The following RPP14 variants were observed in gnomAD, a reference collection of about 807,000 sequenced individuals.
RPP14 encodes ribonuclease P protein subunit p14.
RPP14 carries 19 observed loss-of-function variants against 17.8 expected under a neutral mutation model. The observed-to-expected ratio is 1.07, with a 90% CI of 0.74 to 1.57. RPP14 has a LOEUF of 1.57. Among genes scored for constraint, RPP14 ranks in the 40% most tolerant of loss-of-function variants. The pLI is 0.00. For missense variants in RPP14, 125 were observed against 140.8 expected (o/e 0.89, Z 0.57); for synonymous variants, 60 against 56.4 (o/e 1.06, Z -0.29).
Position 58,319,956 on chromosome 3 carries a change from G to T in RPP14, c.*2460G>T, listed in dbSNP as rs2097492776. ...ATAGCATTTTTCATCACCCCCAAAA[G>T]AACCTCCCATTAGCAGTCAATCCAT... is the stretch of plus-strand genomic sequence containing the variant. On this transcript the variant is annotated 3_prime_UTR_variant, in exon 6 of 6. Coordinates refer to ENST00000295959, the MANE Select transcript of RPP14 (RefSeq NM_007042.6). The T allele has an allele frequency of 1.3e-5, 2 of 152,118 alleles. No homozygotes were observed. Among genetic ancestry groups the T allele is most frequent in the South Asian group, 4.1e-4 (2 of 4,828 alleles). The allele number at this position is 152,118 out of a possible 1,614,324, so 9.4% of individuals were successfully genotyped here. A position where few individuals can be genotyped will look rare whatever the true frequency, so the allele number is the denominator to read the frequency against.
chr3:58,315,830 C>T (rs1171163935), intron 3 of RPP14: 1 of 152,296 alleles, frequency 6.6e-6, no homozygotes, highest in African/African-American at 2.4e-5. Flanking sequence ...GCATGTGCCA[C>T]CACACCCGGC....
chr3:58,309,658 G>A (rs569101970), intron 1 of RPP14, among the ~76,000 whole-genome samples: 25 of 152,336 alleles, frequency 1.6e-4, no homozygotes, highest in South Asian at 1.0e-3. Flanking sequence ...CTGGGAGGCC[G>A]AGGCAGGCGT....
At chr3:58,314,198 A>G (rs918509686) in intron 3 of RPP14, among the ~76,000 whole-genome samples, 14 of 152,150 alleles carry the variant, frequency 9.2e-5, no homozygotes, top group African/African-American at 3.4e-4. Context: ...TAAAGCTATA[A>G]AAACTAGCCG....
intron 5 of RPP14, 98 bp from the exon 6 acceptor site, chr3:58,317,341 TC>T: frequency 1.3e-6 from 1 of 772,152 alleles, no homozygotes. Flanking sequence ...TGCTCCTGCA[TC>T]AGCTTTGTTT....
chr3:58,314,675 ATTTTTTTTT>A (rs751757663), intron 3 of RPP14, among the ~76,000 whole-genome samples: 6 of 90,582 alleles, frequency 6.6e-5, no homozygotes, highest in South Asian at 4.5e-4. Flanking sequence ...GTTTGGCAGT[ATTTTTTTTT>A]TTTTTTTTTT....
chr3:58,310,037 A>C, intron 1 of RPP14: 1 of 346,044 alleles, frequency 2.9e-6, no homozygotes, highest in Non-Finnish European at 5.3e-6. Context: ...CTGTCTCTAC[A>C]AAAAATACAA....
intron 1 of RPP14, 43 bp from the exon 2 acceptor site, chr3:58,310,266 A>G: frequency 6.9e-7 from 1 of 1,441,448 alleles, no homozygotes; most frequent in Non-Finnish European, 9.7e-7. Flanking sequence ...TCTGAAAAAT[A>G]GCATGTGCAT....
rs530170082 is a variant in RPP14 at position 58,311,351 on chromosome 3, C to T, written c.162+760C>T. ...TGTATTTTTACTAGAGACAGGGTTT[C>T]GTCATGTTGGCCAGGCTGGTCTTGA... is the stretch of plus-strand genomic sequence containing the variant. On this transcript the variant is annotated intron_variant, in intron 3 of 5. Transcript: ENST00000295959. Among the ~76,000 whole-genome samples the T allele has an allele frequency of 2.0e-5, 3 of 152,280 alleles. No individual in the cohort carries two copies. In the East Asian group the frequency reaches 5.8e-4, roughly 29 times the overall value.
chr3:58,317,972 T>C lies in RPP14; in HGVS notation c.*476T>C. 1 of 703,014 alleles carries C rather than the reference T, an allele frequency of 1.4e-6. No homozygotes were observed. Among genetic ancestry groups the C allele is most frequent in the South Asian group, 1.5e-5 (1 of 67,592 alleles). The allele number at this position is 703,014 out of a possible 1,614,324, so 43.5% of individuals were successfully genotyped here. A position where few individuals can be genotyped will look rare whatever the true frequency, so the allele number is the denominator to read the frequency against. ...ATTAGCTTTCCAGCCCCTTTATATA[T>C]TGGAGAAGTTGTTTTAGCTTCTGCA... On this transcript the variant is annotated 3_prime_UTR_variant, in exon 6 of 6. Coordinates refer to ENST00000295959, the MANE Select transcript of RPP14 (RefSeq NM_007042.6).
chr3:58,310,591 G>A lies in RPP14; in HGVS notation c.162G>A (p.Glu54=). 1 of 1,609,036 alleles carries A rather than the reference G, an allele frequency of 6.2e-7. No individual in the cohort carries two copies. Among genetic ancestry groups the A allele is most frequent in the Non-Finnish European group, 8.5e-7 (1 of 1,177,870 alleles). ...CGGCTGTGAAGGACCTGTTTGGGGA[G>A]GTATGGAATCACTTGGTAGATTGAA... ...LISAVKDLFG[E]VDAALPLDIL... is the part of the protein sequence containing the mutation. The change falls in exon 3 of 6, where the codon GAG becomes GAA. Residue 54 remains glutamate, a splice_region_variant and synonymous_variant. Transcript: ENST00000295959.
intron 3 of RPP14, among the ~76,000 whole-genome samples, chr3:58,310,822 C>T (rs949263959): frequency 1.3e-5 from 2 of 151,534 alleles, no homozygotes; most frequent in African/African-American, 4.9e-5. Flanking sequence ...CCCAGCTACT[C>T]GGGAGGCTGA....
intron 3 of RPP14, among the ~76,000 whole-genome samples, chr3:58,311,910 A>G (rs139641305): frequency 2.0e-4 from 31 of 152,186 alleles, no homozygotes; most frequent in African/African-American, 7.2e-4. Context: ...TCTTGCCGTG[A>G]TGCCCAGGGT....
At chr3:58,316,714 T>G (rs1020655899) in intron 4 of RPP14, 123 bp downstream of exon 4, 2 of 959,636 alleles carry the variant, frequency 2.1e-6, no homozygotes, top group Non-Finnish European at 3.2e-6. Flanking sequence ...TTTGGGAATT[T>G]AAACTGGGAT....
chr3:58,308,662 C>T (rs1312625368), intron 1 of RPP14, among the ~76,000 whole-genome samples: 1 of 152,178 alleles, frequency 6.6e-6, no homozygotes, highest in African/African-American at 2.4e-5. Context: ...GTGGTTGGAA[C>T]TGGGTCTAAC....
chr3:58,313,784 C>T (rs1559794652), intron 3 of RPP14, among the ~76,000 whole-genome samples: 1 of 152,178 alleles, frequency 6.6e-6, no homozygotes, highest in Non-Finnish European at 1.5e-5. Context: ...GTGATCACAC[C>T]TCCATGGCTG....
intron 1 of RPP14, 94 bp from the exon 2 acceptor site, chr3:58,310,215 C>T: frequency 1.1e-6 from 1 of 934,956 alleles, no homozygotes; most frequent in East Asian, 2.5e-5. Flanking sequence ...TTAAAACAAA[C>T]AAACAAAAAA....
At chr3:58,311,210 A>G (rs1275647099) in intron 3 of RPP14, among the ~76,000 whole-genome samples, 1 of 151,966 alleles carries the variant, frequency 6.6e-6, no homozygotes, top group African/African-American at 2.4e-5. Context: ...GCTGGAGTGC[A>G]ATGGCACATT....
At chr3:58,313,741 C>T (rs938612982) in intron 3 of RPP14, among the ~76,000 whole-genome samples, 2 of 152,186 alleles carry the variant, frequency 1.3e-5, no homozygotes, top group African/African-American at 4.8e-5. Flanking sequence ...GGGAGGATTG[C>T]TTGAGCCCAA....
chr3:58,314,609 A>G (rs748974654), intron 3 of RPP14, among the ~76,000 whole-genome samples: 5 of 151,746 alleles, frequency 3.3e-5, no homozygotes, highest in South Asian at 2.1e-4. Context: ...CAAAGAAACT[A>G]GATCACTCAT....
Sources: gnomAD v4.1 joint callset for allele counts (sites outside exome capture counted in the v4.1 genomes callset) on GRCh38, gnomAD v4.1.1 for gene constraint, MANE v1.5 for transcripts, NCBI Gene and HGNC (gene_info 2026-07-23, HGNC 2026-07-21) for gene names.